Variants in SETD5 observed in about 807,000 individuals in gnomAD.
SETD5 encodes the protein histone-lysine N-methyltransferase SETD5.
Under a neutral mutation model 153.3 loss-of-function variants are expected in SETD5, and 44 were observed. The ratio of observed to expected loss-of-function variants is 0.29; its 90% CI spans 0.23 to 0.37. The LOEUF (loss-of-function observed/expected upper bound fraction) is 0.37. Ranked by LOEUF, SETD5 falls within the 10% of genes least tolerant of loss-of-function variation. SETD5 has a pLI of 1.00. For synonymous variants in SETD5, 716 were observed against 645.2 expected (o/e 1.11, Z -1.66); for missense variants, 1,544 against 1,768.0 (o/e 0.87, Z 2.27).
At chr3:9,432,261 C>G (rs2040050418) in intron 3 of SETD5, 1 of 979,322 alleles carries the variant, frequency 1.0e-6, no homozygotes, top group South Asian at 4.7e-5. Flanking sequence ...AAGTTCTTCA[C>G]TTAGAAATTT....
Position 9,434,392 on chromosome 3 carries a change from G to A in SETD5, c.236G>A (p.Gly79Glu). Reference protein sequence around the residue: ...GLPSPVEERCGDSPNSEGETV... With the variant: ...GLPSPVEERCEDSPNSEGETV... ...CCGTCGCCTGTAGAGGAACGCTGTG[G>A]AGACAGCCCGAACTCTGAAGGAGAA... The change falls in exon 5 of 23, where the codon GGA becomes GAA. Residue 79 changes from glycine (G) to glutamate (E), a missense_variant. Gly to Glu is a moderately conservative substitution (Grantham distance 98). This residue lies in a region of SETD5 where 251 missense variants were observed against 326.9 expected (regional missense o/e 0.77). Coordinates refer to ENST00000402198, the MANE Select transcript of SETD5 (RefSeq NM_001080517.3). This position sits in a 1 kb window ranked among gnomAD's most constrained non-coding sequence, Gnocchi z 5.6. 1 of 1,613,932 alleles carries A rather than the reference G, an allele frequency of 6.2e-7. No homozygotes were observed. Among genetic ancestry groups the A allele is most frequent in the Non-Finnish European group, 8.5e-7 (1 of 1,179,876 alleles).
chr3:9,419,138 T>A (rs953513849), intron 1 of SETD5, among the ~76,000 whole-genome samples: 1 of 152,176 alleles, frequency 6.6e-6, no homozygotes, highest in Non-Finnish European at 1.5e-5. Flanking sequence ...ACTTACAGGA[T>A]TTTTCTCCCC....
At chr3:9,420,108 T>C (rs1308864332) in intron 1 of SETD5, among the ~76,000 whole-genome samples, 1 of 152,190 alleles carries the variant, frequency 6.6e-6, no homozygotes, top group Non-Finnish European at 1.5e-5. Flanking sequence ...TTCCTGATTG[T>C]TGTTAAGGTT....
At chr3:9,436,896 G>T (rs1273834287) in intron 7 of SETD5, 4 of 1,549,560 alleles carry the variant, frequency 2.6e-6, no homozygotes, top group Non-Finnish European at 2.6e-6. Flanking sequence ...AAGGTAAGGG[G>T]TAATCTTCGC....
chr3:9,427,228 G>A (rs1262832393), intron 2 of SETD5, among the ~76,000 whole-genome samples: 1 of 152,108 alleles, frequency 6.6e-6, no homozygotes. Context: ...TAAGATTGGA[G>A]CATCTCAGAC....
intron 13 of SETD5, among the ~76,000 whole-genome samples, chr3:9,445,962 GTTGTTT>G (rs1483973825): frequency 1.2e-4 from 15 of 120,248 alleles, no homozygotes; most frequent in Admixed American, 9.7e-4. Flanking sequence ...GTTTGAAGAG[GTTGTTT>G]TTTTTTTTTT....
At position 9,433,957 on chromosome 3, in the gene SETD5, A is replaced by G. The variant is rs1482864761; in HGVS notation, c.177+7A>G. On this transcript the variant is annotated splice_region_variant and intron_variant, in intron 4 of 22. Coordinates refer to ENST00000402198, the MANE Select transcript of SETD5 (RefSeq NM_001080517.3). The stretch of plus-strand genomic sequence containing the variant: ...TCGAGGACTGCCTTATGCTGTGAGT[A>G]TGCATTTGTTTCTCTCCAGAACAGT... 1 of 1,613,668 alleles carries G rather than the reference A, an allele frequency of 6.2e-7. No individual in the cohort carries two copies. Among genetic ancestry groups the G allele is most frequent in the Non-Finnish European group, 8.5e-7 (1 of 1,179,588 alleles).
chr3:9,444,060 TAAAAA>T (rs950585792), intron 11 of SETD5, among the ~76,000 whole-genome samples: 4 of 151,158 alleles, frequency 2.6e-5, no homozygotes, highest in Admixed American at 1.3e-4. Flanking sequence ...GACTCTGTCT[TAAAAA>T]AAAAGAGAGA....
chr3:9,451,258 G>A (rs746714499), intron 16 of SETD5, among the ~76,000 whole-genome samples: 7 of 152,218 alleles, frequency 4.6e-5, no homozygotes, highest in Middle Eastern at 3.4e-3. Context: ...TAGTTGAACC[G>A]GGACTCGGTG....
At position 9,438,436 on chromosome 3, in the gene SETD5, A is replaced by G. The variant is rs548685644; in HGVS notation, c.568-2020A>G. Among the ~76,000 whole-genome samples, 4 of 152,336 alleles carry G rather than the reference A, an allele frequency of 2.6e-5. No homozygotes were observed. In the East Asian group the frequency reaches 7.7e-4, roughly 29 times the overall value. On this transcript the variant is annotated intron_variant, in intron 7 of 22. Coordinates refer to ENST00000402198, the MANE Select transcript of SETD5 (RefSeq NM_001080517.3). ...AAGCTCGAAACCTTTCAAAAGCTAT[A>G]AACTGGCTCTACCAGAAAACTGCAC...
intron 20 of SETD5, among the ~76,000 whole-genome samples, 168 bp downstream of exon 20, chr3:9,473,705 T>C (rs1182279482): frequency 6.6e-6 from 1 of 152,220 alleles, no homozygotes; most frequent in Non-Finnish European, 1.5e-5. Flanking sequence ...TAATGTCAGC[T>C]GCAACCCCCC....
intron 1 of SETD5, among the ~76,000 whole-genome samples, chr3:9,403,704 C>T (rs2035199315): frequency 1.3e-5 from 2 of 152,074 alleles, no homozygotes; most frequent in Admixed American, 1.3e-4. Context: ...GTGTTCAGCT[C>T]GCATACAAGT....
At chr3:9,444,504 A>G (rs2041693067) in intron 11 of SETD5, among the ~76,000 whole-genome samples, 1 of 151,936 alleles carries the variant, frequency 6.6e-6, no homozygotes. Flanking sequence ...TAGCCAATAA[A>G]CCACTGGGGG....
At position 9,441,712 on chromosome 3, in the gene SETD5, A is replaced by G. The variant is rs1414881339; in HGVS notation, c.930A>G (p.Gln310=). 2 of 1,613,874 alleles carry G rather than the reference A, an allele frequency of 1.2e-6. No homozygotes were observed. Among genetic ancestry groups the G allele is most frequent in the African/African-American group, 1.3e-5 (1 of 74,930 alleles). The change falls in exon 9 of 23, where the codon CAA becomes CAG. Residue 310 remains glutamine (Q), a synonymous_variant. Transcript: ENST00000402198. The part of the protein sequence containing the change: ...EYRGKVMLRQ[Q]FEVNGHFFKK... ...GTGGGAAAGTCATGTTACGACAGCA[A>G]TTTGAGGTCAATGGGCATTTCTTCA...
chr3:9,464,711 AATC>A (rs1213765678), intron 18 of SETD5, 39 bp downstream of exon 18: 4 of 1,613,614 alleles, frequency 2.5e-6, no homozygotes, highest in Admixed American at 1.7e-5. Context: ...TGGATATGAA[AATC>A]ATCATTTGTA....
intron 17 of SETD5, among the ~76,000 whole-genome samples, chr3:9,458,097 G>A (rs1396693668): frequency 1.3e-5 from 2 of 152,034 alleles, no homozygotes; most frequent in African/African-American, 2.4e-5. Flanking sequence ...TTGGTAAATT[G>A]TCATGGAATT....
chr3:9,441,528 G>A (rs2125185838), intron 8 of SETD5, 65 bp from the exon 9 acceptor site: 1 of 1,429,326 alleles, frequency 7.0e-7, no homozygotes, highest in South Asian at 1.2e-5. Flanking sequence ...TAATTATGAA[G>A]TAATTTGAGT....
At chr3:9,425,663 C>T (rs2039076617) in intron 2 of SETD5, among the ~76,000 whole-genome samples, 2 of 148,578 alleles carry the variant, frequency 1.3e-5, no homozygotes. Context: ...GCAGTCTCTG[C>T]TTCCCAGATT....
At chr3:9,418,310 T>G (rs1245963117) in intron 1 of SETD5, among the ~76,000 whole-genome samples, 4 of 152,222 alleles carry the variant, frequency 2.6e-5, no homozygotes, top group Admixed American at 2.6e-4. Context: ...CCAGCTAGAT[T>G]ACAGATGGCT....
Sources: gnomAD v4.1 joint callset for allele counts (sites outside exome capture counted in the v4.1 genomes callset) on GRCh38, gnomAD v4.1.1 for gene constraint, gnomAD v4.1.1 regional missense constraint, Gnocchi (gnomAD v3.1) non-coding constraint, MANE v1.5 for transcripts, NCBI Gene and HGNC (gene_info 2026-07-23, HGNC 2026-07-21) for gene names.